The following MAP3K9 variants were observed in gnomAD, a reference collection of about 807,000 sequenced individuals.
The protein encoded by MAP3K9 is mixed lineage kinase 1 (tyr and ser/thr specificity).
In MAP3K9, 46 loss-of-function variants were observed where a neutral mutation model predicts 95.8. The observed-to-expected ratio is 0.48, with a 90% CI of 0.38 to 0.61. MAP3K9 has a LOEUF of 0.61. MAP3K9 is among the 20% of genes least tolerant of loss of function. The pLI, the probability that MAP3K9 is intolerant of heterozygous loss-of-function variation, is 0.00. For synonymous variants in MAP3K9, 533 were observed against 593.8 expected, an observed-to-expected ratio of 0.90 and a Z score of 1.49; for missense variants, 1,296 against 1,474.3, an observed-to-expected ratio of 0.88 and a Z score of 1.98.
intron 4 of MAP3K9, chr14:70,749,604 T>G (rs2054198008): frequency 4.3e-6 from 1 of 230,872 alleles, no homozygotes; most frequent in Non-Finnish European, 8.4e-6. Context: ...TCCTAAGATG[T>G]TCTTCACGTC....
chr14:70,776,008 G>A (rs1489290865), intron 2 of MAP3K9, among the ~76,000 whole-genome samples: 1 of 152,106 alleles, frequency 6.6e-6, no homozygotes, highest in African/African-American at 2.4e-5. Flanking sequence ...GACCAAAATG[G>A]TGAAACCCTA....
At chr14:70,806,645 C>G (rs981269157) in intron 1 of MAP3K9, among the ~76,000 whole-genome samples, 13 of 152,304 alleles carry the variant, frequency 8.5e-5, no homozygotes, top group African/African-American at 3.1e-4. Context: ...AAAAGTAGCA[C>G]GCTGTTGCCA....
At chr14:70,799,530 G>A (rs1446409065) in intron 2 of MAP3K9, among the ~76,000 whole-genome samples, 1 of 151,788 alleles carries the variant, frequency 6.6e-6, no homozygotes, top group Non-Finnish European at 1.5e-5. Flanking sequence ...TAGTGGAGAC[G>A]GGGTTTCACC....
chr14:70,760,907 T>G, intron 3 of MAP3K9, 95 bp downstream of exon 3: 1 of 1,374,996 alleles, frequency 7.3e-7, no homozygotes, highest in African/African-American at 1.4e-5. Context: ...TTCAGGTGCC[T>G]GGGATCCTAG....
rs749649763 is a variant in MAP3K9 at position 70,740,060 on chromosome 14, G to A, written c.1672C>T (p.Arg558Cys). ...GTCTCACACTGGATGGCTCGAAGGC[G>A]AGGAATGATGGTGGGGCTTGCAGGA... ...SPPASPTIIP[R>C]LRAIQLTPGE... The change falls in exon 7 of 12, where the codon CGC becomes TGC. Residue 558 changes from arginine (R) to cysteine (C), a missense_variant. Arg to Cys is a radical substitution (Grantham distance 180). This residue lies in a region of MAP3K9 where 377 missense variants were observed against 417.1 expected (regional missense o/e 0.90). Coordinates refer to ENST00000554752, the MANE Select transcript of MAP3K9 (RefSeq NM_001284230.2). 6 of 1,614,078 alleles carry A rather than the reference G, an allele frequency of 3.7e-6. No homozygotes were observed. The highest frequency in any genetic ancestry group is 2.2e-5 in the East Asian group (1 of 44,902).
intron 1 of MAP3K9, 128 bp from the exon 2 acceptor site, chr14:70,801,208 A>T: frequency 1.2e-6 from 1 of 834,396 alleles, no homozygotes; most frequent in Non-Finnish European, 1.8e-6. Context: ...TCTCCCCATT[A>T]TAAAGCAAAT....
intron 9 of MAP3K9, among the ~76,000 whole-genome samples, chr14:70,734,909 C>T (rs892483685): frequency 2.0e-5 from 3 of 152,278 alleles, no homozygotes; most frequent in Non-Finnish European, 4.4e-5. Flanking sequence ...CGAAGCCAGG[C>T]AAGCACCGGG....
chr14:70,764,569 G>A (rs931688039), intron 2 of MAP3K9, among the ~76,000 whole-genome samples: 1 of 151,446 alleles, frequency 6.6e-6, no homozygotes, highest in Non-Finnish European at 1.5e-5. Context: ...GGTGGCTCAT[G>A]CCTGTAATCC....
chr14:70,745,143 C>T (rs1298370640), intron 5 of MAP3K9, among the ~76,000 whole-genome samples: 2 of 152,112 alleles, frequency 1.3e-5, no homozygotes, highest in Non-Finnish European at 1.5e-5. Context: ...TGGAGAGAGC[C>T]ATGTCTGAAA....
At chr14:70,765,497 A>C in intron 2 of MAP3K9, 1 of 684,202 alleles carries the variant, frequency 1.5e-6, no homozygotes, top group East Asian at 2.7e-5. Context: ...TCTGTAAAGA[A>C]GTACCATTTT....
chr14:70,780,045 T>C (rs1467357814), intron 2 of MAP3K9, among the ~76,000 whole-genome samples: 1 of 152,190 alleles, frequency 6.6e-6, no homozygotes, highest in Non-Finnish European at 1.5e-5. Context: ...GTTAACAAGA[T>C]TGGGATACTA....
chr14:70,775,893 G>C (rs932507534), intron 2 of MAP3K9, among the ~76,000 whole-genome samples: 1 of 152,076 alleles, frequency 6.6e-6, no homozygotes. Flanking sequence ...AAGAAGTTAA[G>C]ACTAAATATT....
intron 2 of MAP3K9, among the ~76,000 whole-genome samples, chr14:70,773,106 T>C (rs1231517870): frequency 1.3e-5 from 2 of 152,246 alleles, no homozygotes; most frequent in Non-Finnish European, 2.9e-5. Context: ...CTGTCAAAGA[T>C]ACCTTTCAGT....
chr14:70,764,120 A>G (rs1181572974), intron 2 of MAP3K9, among the ~76,000 whole-genome samples: 1 of 128,314 alleles, frequency 7.8e-6, no homozygotes, highest in African/African-American at 2.9e-5. Context: ...CGGGAAGCGG[A>G]GCTTGCAGTG....
intron 2 of MAP3K9, among the ~76,000 whole-genome samples, chr14:70,778,301 G>A (rs1337150720): frequency 2.1e-5 from 3 of 146,180 alleles, no homozygotes; most frequent in African/African-American, 7.7e-5. Flanking sequence ...TTTTGAGACG[G>A]AGTCCCCCTT....
chr14:70,773,167 G>A (rs559869853), intron 2 of MAP3K9, among the ~76,000 whole-genome samples: 3 of 152,286 alleles, frequency 2.0e-5, no homozygotes, highest in Admixed American at 6.5e-5. Context: ...CTATAAGCAC[G>A]TTATGCAGAA....
At chr14:70,753,766 A>C (rs567888426) in intron 3 of MAP3K9, among the ~76,000 whole-genome samples, 1 of 152,334 alleles carries the variant, frequency 6.6e-6, no homozygotes, top group East Asian at 1.9e-4. Flanking sequence ...TCTTGAGTTA[A>C]TAATTAACCA....
rs551815229 is a variant in MAP3K9 at position 70,761,110 on chromosome 14, G to A, written c.893C>T (p.Ala298Val). The A allele has an allele frequency of 6.2e-7, 1 of 1,614,120 alleles. No individual in the cohort carries two copies. The highest frequency in any genetic ancestry group is 1.7e-5 in the Admixed American group (1 of 60,020). The stretch of plus-strand genomic sequence containing the variant: ...CTTGGTGGTTCGGTGCCATTCCCGA[G>A]CCAGGCCAAAATCAGTGATCTTCAG... ...KILKITDFGL[A>V]REWHRTTKMS... The change falls in exon 3 of 12, where the codon GCT becomes GTT. Residue 298 changes from alanine (A) to valine (V), a missense_variant. Physicochemically the swap from Ala to Val is moderately conservative, Grantham distance 64 (BLOSUM62 0). Coordinates refer to ENST00000554752, the MANE Select transcript of MAP3K9 (RefSeq NM_001284230.2).
At chr14:70,793,412 C>T (rs1318635842) in intron 2 of MAP3K9, among the ~76,000 whole-genome samples, 2 of 152,132 alleles carry the variant, frequency 1.3e-5, no homozygotes, top group African/African-American at 4.8e-5. Flanking sequence ...TATGGCCGGG[C>T]CTGGTGGCTC....
Sources: allele counts gnomAD v4.1 joint callset (sites outside exome capture counted in the v4.1 genomes callset), GRCh38; gene constraint gnomAD v4.1.1; regional missense constraint gnomAD v4.1.1; transcripts MANE v1.5; gene names NCBI Gene and HGNC (gene_info 2026-07-23, HGNC 2026-07-21).